RNASET2: variants seen among roughly 807,000 people sequenced by gnomAD.
RNASET2 encodes the protein ribonuclease T2, also known as ribonuclease 6.
RNASET2 carries 28 observed loss-of-function variants against 33.9 expected under a neutral mutation model. The ratio of observed to expected loss-of-function variants is 0.83; its 90% CI spans 0.61 to 1.13. The LOEUF (loss-of-function observed/expected upper bound fraction) is 1.13, where lower values mean the gene tolerates loss of function less well. RNASET2 is among the 50% of genes most tolerant of loss of function. The probability of loss-of-function intolerance (pLI) is 0.00; values close to 1 mark genes in which losing one functional copy is unlikely to be tolerated. For synonymous variants in RNASET2, 123 were observed against 121.0 expected, an observed-to-expected ratio of 1.02 and a Z score of -0.11; for missense variants, 330 against 319.9, an observed-to-expected ratio of 1.03 and a Z score of -0.24.
intron 7 of RNASET2, chr6:166,932,344 G>A (rs2079294947): frequency 6.5e-6 from 1 of 152,742 alleles, no homozygotes; most frequent in African/African-American, 2.4e-5. Flanking sequence ...GCTGCTGGAG[G>A]ATGAGGTCCT....
intron 5 of RNASET2, among the ~76,000 whole-genome samples, chr6:166,940,471 T>A (rs955836331): frequency 6.6e-6 from 1 of 152,158 alleles, no homozygotes; most frequent in Non-Finnish European, 1.5e-5. Context: ...ACTTCCTATA[T>A]CCTATAAGGT....
rs560451071 is a variant in RNASET2, at chr6:166,930,583, A to G, written c.567+461T>C. Among the ~76,000 whole-genome samples the G allele has an allele frequency of 1.1e-4, 17 of 150,576 alleles. No homozygotes were observed. In the Middle Eastern group the frequency reaches 0.014, roughly 121 times the overall value. On this transcript the variant is annotated intron_variant, in intron 8 of 8. Transcript: ENST00000508775. ...ACAGAGAACATGCACACACATGCAC[A>G]CACACAGCACATGCACACATGCATG...
intron 1 of RNASET2, chr6:166,955,639 G>A: frequency 1.0e-6 from 1 of 1,000,562 alleles, no homozygotes; most frequent in Non-Finnish European, 1.2e-6. Flanking sequence ...TGTGGGATGA[G>A]TTTCCAGTCC....
intron 5 of RNASET2, 63 bp from the exon 6 acceptor site, chr6:166,939,071 T>C: frequency 8.3e-7 from 1 of 1,200,270 alleles, no homozygotes; most frequent in East Asian, 2.3e-5. Flanking sequence ...CAGTGGCTCA[T>C]GCCTGTAATC....
chr6:166,938,954 G>T lies in RNASET2; in HGVS notation c.387C>A (p.Asn129Lys), dbSNP rs1286334837. The change falls in exon 6 of 9, where the codon AAC (asparagine) becomes AAA (lysine). Residue 129 changes from asparagine (N) to lysine (K), a missense_variant. Physicochemically the swap from Asn to Lys is moderately conservative, Grantham distance 94. Transcript: ENST00000508775. ...TTCTGCCAAAGTACTTCTTCTGGGA[G>T]TTGAGCGCATCCACCTGGGCGGCGC... is the stretch of plus-strand genomic sequence containing the variant. ...GTCAAQVDAL[N>K]SQKKYFGRSL... 6.2e-7 allele frequency: 1 copy of T among 1,613,706 alleles called. No individual in the cohort carries two copies. The highest frequency in any genetic ancestry group is 1.3e-5 in the African/African-American group (1 of 74,944).
intron 6 of RNASET2, among the ~76,000 whole-genome samples, chr6:166,937,627 T>G (rs1020558233): frequency 1.3e-5 from 2 of 152,182 alleles, no homozygotes; most frequent in Non-Finnish European, 2.9e-5. Context: ...TCTTAGTGTA[T>G]ATACCTGGTA....
At chr6:166,948,347 G>GAAAA in intron 3 of RNASET2, 7 of 504,810 alleles carry the variant, frequency 1.4e-5, no homozygotes, top group African/African-American at 7.4e-5. Context: ...CTCTGTCTCA[G>GAAAA]AAAAAAAAAA....
At chr6:166,954,914 C>G (rs1779069048) in intron 1 of RNASET2, among the ~76,000 whole-genome samples, 1 of 152,050 alleles carries the variant, frequency 6.6e-6, no homozygotes, top group Admixed American at 6.5e-5. Context: ...TCGCTTGAAC[C>G]CGGGAGGTGG....
In RNASET2 at chr6:166,943,843, C is replaced by T. The variant is rs543681862; in HGVS notation, c.262-754G>A. 255 of 443,142 alleles carry T rather than the reference C, an allele frequency of 5.8e-4. 1 individual carries two copies. Among genetic ancestry groups the T allele is most frequent in the South Asian group, 3.7e-3 (222 of 59,998 alleles). 27.5% of individuals were successfully genotyped at this position (443,142 alleles called of 1,614,324 possible). On this transcript the variant is annotated intron_variant, in intron 4 of 8. Transcript: ENST00000508775. ...CTATAACTGTTCTAAAAACATTGGC[C>T]GGGCACGGTGGCTCACGCCTGTAAT...
At chr6:166,940,376 T>C (rs1251907852) in intron 5 of RNASET2, among the ~76,000 whole-genome samples, 4 of 152,074 alleles carry the variant, frequency 2.6e-5, no homozygotes, top group Non-Finnish European at 5.9e-5. Flanking sequence ...TCTCAGAAAA[T>C]GATGAAAAGT....
intron 1 of RNASET2, chr6:166,955,686 C>G: frequency 9.4e-7 from 1 of 1,068,804 alleles, no homozygotes; most frequent in Non-Finnish European, 1.1e-6. Context: ...CCTCACCCTA[C>G]CCCCTACTCC....
At chr6:166,948,735 T>C (rs1034713829) in intron 2 of RNASET2, 110 bp from the exon 3 acceptor site, 2 of 757,900 alleles carry the variant, frequency 2.6e-6, no homozygotes, top group African/African-American at 3.4e-5. Flanking sequence ...GCCAACGAGA[T>C]ACAGGTACTG....
rs1199141947 is a variant in RNASET2, at chr6:166,923,063, C to T, written c.*6525G>A. Among the ~76,000 whole-genome samples, 1 of 152,206 alleles carries T rather than the reference C, an allele frequency of 6.6e-6. No homozygotes were observed. The highest frequency in any genetic ancestry group is 2.4e-5 in the African/African-American group (1 of 41,460). On this transcript the variant is annotated 3_prime_UTR_variant, in exon 9 of 9. Coordinates refer to ENST00000508775, the MANE Select transcript of RNASET2 (RefSeq NM_003730.6). Reference sequence around the variant, plus strand: ...GCACGTCAGCATAAAGTCCATACAGCATTTAATGGATCTTAACTTTATCCA... The same window carrying T: ...GCACGTCAGCATAAAGTCCATACAGTATTTAATGGATCTTAACTTTATCCA...
In RNASET2 at chr6:166,925,699, C is replaced by T. The variant is rs779848261; in HGVS notation, c.*3889G>A. ...AAGAGAAGAGGCCCTGGTCCCTGGG[C>T]GTGGAGGCGCAGAGCCACCCAGGAC... On this transcript the variant is annotated 3_prime_UTR_variant, in exon 9 of 9. Coordinates refer to ENST00000508775, the MANE Select transcript of RNASET2 (RefSeq NM_003730.6). Among the ~76,000 whole-genome samples, 4 of 152,224 alleles carry T rather than the reference C, an allele frequency of 2.6e-5. No homozygotes were observed. The highest frequency in any genetic ancestry group is 1.9e-4 in the East Asian group (1 of 5,206).
At chr6:166,941,922 G>A (rs1351687373) in intron 5 of RNASET2, among the ~76,000 whole-genome samples, 1 of 152,164 alleles carries the variant, frequency 6.6e-6, no homozygotes, top group African/African-American at 2.4e-5. Flanking sequence ...TCAACATGGC[G>A]TTTATGCCCT....
At position 166,925,487 on chromosome 6, in the gene RNASET2, C is replaced by A. The variant is rs1361048974; in HGVS notation, c.*4101G>T. Among the ~76,000 whole-genome samples the A allele has an allele frequency of 1.3e-5, 2 of 151,510 alleles. No homozygotes were observed. The highest frequency in any genetic ancestry group is 2.9e-5 in the Non-Finnish European group (2 of 67,842). On this transcript the variant is annotated 3_prime_UTR_variant, in exon 9 of 9. Transcript: ENST00000508775. ...CCTCATCTATACTGCCCAGCCCTCACCTCCCCTGTCCAGCCCTCACCTCCC... is the reference window on the plus strand; with the variant it reads ...CCTCATCTATACTGCCCAGCCCTCAACTCCCCTGTCCAGCCCTCACCTCCC...
intron 5 of RNASET2, among the ~76,000 whole-genome samples, chr6:166,941,030 AG>A (rs984733973): frequency 4.6e-5 from 7 of 152,242 alleles, no homozygotes; most frequent in African/African-American, 1.4e-4. Flanking sequence ...GGAGTTAGTC[AG>A]GTGACTTGAG....
Position 166,956,373 on chromosome 6 carries a change from C to T in RNASET2, c.-191G>A. 3.3e-6 allele frequency: 2 copies of T among 604,810 alleles called. No homozygotes were observed. Among genetic ancestry groups the T allele is most frequent in the Non-Finnish European group, 5.9e-6 (2 of 341,322 alleles). The allele number at this position is 604,810 out of a possible 1,614,324, so 37.5% of individuals were successfully genotyped here. On this transcript the variant is annotated 5_prime_UTR_variant, in exon 1 of 9. Coordinates refer to ENST00000508775, the MANE Select transcript of RNASET2 (RefSeq NM_003730.6). Reference sequence around the variant, plus strand: ...GCCTAAACCAGTATCTCGCGGGCCCCGCGCCGGGCTCCGGGAATGGCCGCA... The same window carrying T: ...GCCTAAACCAGTATCTCGCGGGCCCTGCGCCGGGCTCCGGGAATGGCCGCA...
At chr6:166,930,607 TG>T (rs1488345147) in intron 8 of RNASET2, among the ~76,000 whole-genome samples, 1 of 147,052 alleles carries the variant, frequency 6.8e-6, no homozygotes, top group African/African-American at 2.5e-5. Context: ...CACACATGCA[TG>T]TACATGCACA....
Sources: allele counts gnomAD v4.1 joint callset (sites outside exome capture counted in the v4.1 genomes callset), GRCh38; gene constraint gnomAD v4.1.1; transcripts MANE v1.5; gene names NCBI Gene and HGNC (gene_info 2026-07-23, HGNC 2026-07-21).